Variants in ARR3 observed in about 807,000 individuals in gnomAD.
ARR3 encodes the protein arrestin 3.
A neutral mutation model predicts 35.4 loss-of-function variants in ARR3; 14 were observed. The observed-to-expected ratio is 0.40, with a 90% CI of 0.26 to 0.62. The LOEUF (loss-of-function observed/expected upper bound fraction) is 0.62, where lower values mean the gene tolerates loss of function less well. Among genes scored for constraint, ARR3 ranks in the 20% least tolerant of loss-of-function variants. ARR3 has a pLI of 0.46. For synonymous variants in ARR3, 97 were observed against 119.1 expected, an observed-to-expected ratio of 0.81 and a Z score of 1.21; for missense variants, 259 against 303.8, an observed-to-expected ratio of 0.85 and a Z score of 1.10.
intron 14 of ARR3, 22 bp downstream of exon 14, chrX:70,280,604 G>A (rs776250789): frequency 1.7e-6 from 2 of 1,200,877 alleles, no homozygotes; most frequent in South Asian, 3.7e-5. Flanking sequence ...TGGGGTGGGG[G>A]AACTTGGGCA....
chrX:70,269,976 A>G (rs1324835971), intron 4 of ARR3, 73 bp downstream of exon 4: 26 of 1,175,275 alleles, frequency 2.2e-5, no homozygotes, highest in African/African-American at 3.5e-5. Flanking sequence ...AGTCCAGGAA[A>G]GACCGTGCAG....
chrX:70,278,138 C>T lies in ARR3; in HGVS notation c.767C>T (p.Thr256Met), dbSNP rs139742233. ...AAGACTGTGTTCATTCAGGAATTCA[C>T]GTGAGCTGGTGCTGGGGCTAGGACC... ...YTKTVFIQEF[T>M]ETVAANSSFS... The change falls in exon 11 of 17, where the codon ACG (threonine) becomes ATG (methionine). Residue 256 changes from threonine (T) to methionine (M), a missense_variant and splice_region_variant. Physicochemically the swap from Thr to Met is moderately conservative, Grantham distance 81. Transcript: ENST00000307959. The T allele has an allele frequency of 7.5e-6, 9 of 1,203,448 alleles. No homozygotes were observed. The highest frequency in any genetic ancestry group is 6.6e-5 in the Admixed American group (3 of 45,381).
intron 12 of ARR3, 124 bp from the exon 13 acceptor site, chrX:70,280,071 G>T: frequency 1.7e-6 from 1 of 602,935 alleles, no homozygotes; most frequent in South Asian, 3.1e-5. Context: ...GAGCCTGGGA[G>T]ATATTCTGGG....
chrX:70,278,281 G>T, intron 11 of ARR3, 143 bp downstream of exon 11: 1 of 668,717 alleles, frequency 1.5e-6, no homozygotes, highest in South Asian at 2.8e-5. Context: ...TAGATGGAGG[G>T]GATGCAACTT....
chrX:70,281,534 G>A lies in ARR3; in HGVS notation c.1077-142G>A. ...AAGCCAGAGTGGCTGATGGAAAAGTGGGGACACCAAGAGGGGGCCGAGGAG... is the reference window on the plus strand; with the variant it reads ...AAGCCAGAGTGGCTGATGGAAAAGTAGGGACACCAAGAGGGGGCCGAGGAG... On this transcript the variant is annotated intron_variant, in intron 16 of 16. Transcript: ENST00000307959. The A allele has an allele frequency of 7.8e-6, 4 of 513,419 alleles. No individual in the cohort carries two copies. In the East Asian group the frequency reaches 1.5e-4, roughly 19 times the overall value. 42.3% of individuals were successfully genotyped at this position (513,419 alleles called of 1,213,427 possible). A position where few individuals can be genotyped will look rare whatever the true frequency, so the allele number is the denominator to read the frequency against.
At chrX:70,271,258 AAG>A (rs1471384810) in intron 5 of ARR3, among the ~76,000 whole-genome samples, 17 of 112,472 alleles carry the variant, frequency 1.5e-4, no homozygotes, top group Non-Finnish European at 2.6e-4. Context: ...TTGTTCCAGG[AAG>A]AGATGCATTT....
intron 16 of ARR3, 68 bp downstream of exon 16, chrX:70,281,176 T>C: frequency 1.7e-6 from 2 of 1,171,513 alleles, no homozygotes; most frequent in Non-Finnish European, 2.3e-6. Flanking sequence ...GTTATGACGA[T>C]AGAAATGTGA....
rs1232414970 is a variant in ARR3, at chrX:70,269,353, C to A, written c.-30-3C>A. ...TGAGCCTTTCTTCTTTCCCTTTTCC[C>A]AGAAAAGGCTCAACATCAACTATAT... On this transcript the variant is annotated splice_polypyrimidine_tract_variant and splice_region_variant and intron_variant, in intron 1 of 16. Coordinates refer to ENST00000307959, the MANE Select transcript of ARR3 (RefSeq NM_004312.3). 8.3e-7 allele frequency: 1 copy of A among 1,204,467 alleles called. No individual in the cohort carries two copies.
intron 15 of ARR3, 86 bp from the exon 16 acceptor site, chrX:70,281,013 G>GA (rs368734191): frequency 1.6e-5 from 13 of 832,928 alleles, no homozygotes; most frequent in Middle Eastern, 6.3e-4. Context: ...GGGGGGGGGG[G>GA]AAGTAAAGAT....
At chrX:70,268,587 G>A (rs191909574) in intron 1 of ARR3, among the ~76,000 whole-genome samples, 1,331 of 111,639 alleles carry the variant, frequency 0.012, 14 homozygotes, top group Non-Finnish European at 0.02. Flanking sequence ...AAGCACTAGA[G>A]AGACATCTCC....
chrX:70,280,856 T>C (rs2085678551), intron 15 of ARR3, 38 bp downstream of exon 15: 3 of 1,202,646 alleles, frequency 2.5e-6, no homozygotes, highest in Non-Finnish European at 2.2e-6. Flanking sequence ...ACGGCTGTCC[T>C]GAGGGCTGGG....
rs778320602 is a variant in ARR3, at chrX:70,270,331, G to A, written c.145+187G>A. On this transcript the variant is annotated intron_variant, in intron 5 of 16. Coordinates refer to ENST00000307959, the MANE Select transcript of ARR3 (RefSeq NM_004312.3). ...TAATTGTTAATGAGGAGCTGTAAAC[G>A]AAGCTCAAAATAAGACTTTTAGAGG... Among the ~76,000 whole-genome samples, 9 of 112,341 alleles carry A rather than the reference G, an allele frequency of 8.0e-5. No homozygotes were observed. In the South Asian group the frequency reaches 1.1e-3, roughly 14 times the overall value.
chrX:70,277,991 C>A, intron 10 of ARR3, 75 bp from the exon 11 acceptor site: 1 of 1,026,680 alleles, frequency 9.7e-7, no homozygotes, highest in Non-Finnish European at 1.4e-6. Context: ...TATAAGGTCA[C>A]ATCTAAGGAC....
chrX:70,280,843 G>C (rs1569223089), intron 15 of ARR3, 25 bp downstream of exon 15: 1 of 1,209,462 alleles, frequency 8.3e-7, no homozygotes, highest in East Asian at 3.0e-5. Flanking sequence ...GGAACTCACA[G>C]GGACGGCTGT....
chrX:70,276,782 A>G (rs747454406), intron 8 of ARR3, 46 bp downstream of exon 8: 8 of 1,112,407 alleles, frequency 7.2e-6, no homozygotes, highest in South Asian at 5.7e-5. Context: ...AGCCTCTGCC[A>G]GGAAACAGAT....
At position 70,277,774 on chromosome X, in the gene ARR3, AG is replaced by A; in HGVS notation, c.670del (p.Val224SerfsTer20). On this transcript the variant is annotated frameshift_variant, in exon 10 of 17. Coordinates refer to ENST00000307959, the MANE Select transcript of ARR3 (RefSeq NM_004312.3). LOFTEE classifies it high-confidence loss of function. ...GTTTCTATCAACAACTGCACCAACAAGGTCATCAAAAAAATCAAGATTTCAG... is the reference window on the plus strand; with the variant it reads ...GTTTCTATCAACAACTGCACCAACAAGTCATCAAAAAAATCAAGATTTCAG... ...VNVSINNCTN[K>X]VIKKIKISVD... 8.3e-7 allele frequency: 1 copy of A among 1,209,503 alleles called. No homozygotes were observed. Among genetic ancestry groups the A allele is most frequent in the Non-Finnish European group, 1.1e-6 (1 of 894,108 alleles).
At chrX:70,279,632 C>G (rs1422994467) in intron 12 of ARR3, among the ~76,000 whole-genome samples, 1 of 112,519 alleles carries the variant, frequency 8.9e-6, no homozygotes, top group African/African-American at 3.2e-5. Context: ...CAAATACAAC[C>G]CAACAGTTAA....
chrX:70,278,829 C>T (rs16991122), intron 12 of ARR3, among the ~76,000 whole-genome samples, 188 bp downstream of exon 12: 3,879 of 112,381 alleles, frequency 0.035, 51 homozygotes, highest in East Asian at 0.057. Context: ...GTGGGACCAA[C>T]GGCAGGCTTA....
intron 15 of ARR3, 95 bp from the exon 16 acceptor site, chrX:70,281,002 TGG>T (rs35570675): frequency 1.6e-4 from 123 of 791,458 alleles, no homozygotes; most frequent in South Asian, 2.5e-4. Context: ...ATTGGGAAGT[TGG>T]GGGGGGGGGA....
Sources: allele counts gnomAD v4.1 joint callset (sites outside exome capture counted in the v4.1 genomes callset), GRCh38; gene constraint gnomAD v4.1.1; transcripts MANE v1.5; gene names NCBI Gene and HGNC (gene_info 2026-07-23, HGNC 2026-07-21).